The following TAF1B variants were observed in gnomAD, a reference collection of about 807,000 sequenced individuals.
The protein encoded by TAF1B is TATA-box binding protein associated factor, RNA polymerase I subunit B, also known as TATA box-binding protein-associated factor RNA polymerase I subunit B.
Under a neutral mutation model 83.9 loss-of-function variants are expected in TAF1B, and 61 were observed. The ratio of observed to expected loss-of-function variants is 0.73; its 90% CI spans 0.59 to 0.90. TAF1B has a LOEUF of 0.90. TAF1B is among the 40% of genes least tolerant of loss of function. The pLI, the probability that TAF1B is intolerant of heterozygous loss-of-function variation, is 0.00. For missense variants in TAF1B, 625 were observed against 677.0 expected (o/e 0.92, Z 0.85); for synonymous variants, 221 against 224.6 (o/e 0.98, Z 0.14).
intron 12 of TAF1B, among the ~76,000 whole-genome samples, chr2:9,918,631 A>C (rs1341354530): frequency 6.6e-6 from 1 of 152,240 alleles, no homozygotes; most frequent in Non-Finnish European, 1.5e-5. Context: ...CACTGTGTGT[A>C]AGTTATCAGA....
intron 8 of TAF1B, among the ~76,000 whole-genome samples, chr2:9,889,831 T>TA (rs1164496137): frequency 1.3e-5 from 2 of 152,192 alleles, no homozygotes; most frequent in Non-Finnish European, 2.9e-5. Context: ...GGCGTATCCC[T>TA]ACTAAAGACT....
chr2:9,883,193 C>A (rs1472400163), intron 8 of TAF1B, among the ~76,000 whole-genome samples: 4 of 152,152 alleles, frequency 2.6e-5, no homozygotes, highest in Admixed American at 6.5e-5. Flanking sequence ...TACCGTGTTT[C>A]TAAAGGTACT....
chr2:9,861,388 C>T (rs1407024493), intron 5 of TAF1B, among the ~76,000 whole-genome samples: 3 of 152,208 alleles, frequency 2.0e-5, no homozygotes, highest in South Asian at 4.1e-4. Context: ...AAGGCAGCAG[C>T]GAGGCTGGGG....
intron 8 of TAF1B, among the ~76,000 whole-genome samples, chr2:9,884,036 G>C (rs375878839): frequency 3.3e-5 from 5 of 152,240 alleles, no homozygotes; most frequent in African/African-American, 1.2e-4. Context: ...TGCCTGCCAA[G>C]GGCAAGTCAG....
chr2:9,929,534 C>T (rs1051296778), intron 14 of TAF1B, among the ~76,000 whole-genome samples: 9 of 152,226 alleles, frequency 5.9e-5, no homozygotes, highest in East Asian at 1.9e-4. Flanking sequence ...GGGATGAAGC[C>T]GACTTGATCG....
intron 5 of TAF1B, among the ~76,000 whole-genome samples, chr2:9,863,116 T>C (rs1338434419): frequency 6.6e-6 from 1 of 152,160 alleles, no homozygotes; most frequent in Non-Finnish European, 1.5e-5. Flanking sequence ...TAAATGTAAA[T>C]GGGCTAAATG....
chr2:9,849,499 C>A, intron 3 of TAF1B, 39 bp downstream of exon 3: 2 of 1,388,806 alleles, frequency 1.4e-6, no homozygotes, highest in African/African-American at 1.5e-5. Flanking sequence ...ATTCTTTATT[C>A]ACATCTTTCA....
At chr2:9,917,597 A>G (rs1162727989) in intron 12 of TAF1B, among the ~76,000 whole-genome samples, 1 of 152,244 alleles carries the variant, frequency 6.6e-6, no homozygotes, top group African/African-American at 2.4e-5. Flanking sequence ...GTAGAGGATA[A>G]GTTTAGAGAT....
At chr2:9,843,663 C>G in intron 1 of TAF1B, 104 bp downstream of exon 1, 1 of 1,287,270 alleles carries the variant, frequency 7.8e-7, no homozygotes, top group Non-Finnish European at 1.0e-6. Context: ...GGCGACGCCA[C>G]CGGCTGGAGG....
At chr2:9,879,019 G>C (rs1309021089) in intron 7 of TAF1B, among the ~76,000 whole-genome samples, 1 of 152,226 alleles carries the variant, frequency 6.6e-6, no homozygotes, top group Non-Finnish European at 1.5e-5. Context: ...AATAGAGCCA[G>C]TGTGAATATC....
chr2:9,850,377 G>A (rs1663348804), intron 3 of TAF1B, among the ~76,000 whole-genome samples: 1 of 152,040 alleles, frequency 6.6e-6, no homozygotes. Flanking sequence ...TGGAAAATAG[G>A]AACACAGACT....
intron 6 of TAF1B, among the ~76,000 whole-genome samples, chr2:9,873,822 C>T (rs1475299837): frequency 1.3e-5 from 2 of 151,774 alleles, no homozygotes; most frequent in African/African-American, 4.8e-5. Context: ...GCAATGCTAC[C>T]GCTCCAGTCC....
rs147626359 is a variant in TAF1B at position 9,908,958 on chromosome 2, T to C, written c.956-1778T>C. 7.9e-5 allele frequency among the ~76,000 whole-genome samples: 12 copies of C among 152,324 alleles called. No homozygotes were observed. The East Asian group carries it at 2.1e-3, about 27-fold the overall frequency. On this transcript the variant is annotated intron_variant, in intron 9 of 14. Transcript: ENST00000263663. ...CAGAACACACTAGTTGCTCAATAAATGTTTGTTGGAAGAATAAAAGCCAAG... is the reference window on the plus strand; with the variant it reads ...CAGAACACACTAGTTGCTCAATAAACGTTTGTTGGAAGAATAAAAGCCAAG...
chr2:9,850,023 ATATATGTGTGTG>A (rs1255440134), intron 3 of TAF1B, among the ~76,000 whole-genome samples: 2 of 87,172 alleles, frequency 2.3e-5, no homozygotes, highest in Non-Finnish European at 4.9e-5. Flanking sequence ...AAATATATAT[ATATATGTGTGTG>A]TGTGTGTGTG....
At chr2:9,875,664 G>A (rs992028500) in intron 6 of TAF1B, among the ~76,000 whole-genome samples, 10 of 152,000 alleles carry the variant, frequency 6.6e-5, no homozygotes, top group African/African-American at 1.7e-4. Context: ...GAAAAAACCC[G>A]CCCCCATGAT....
intron 12 of TAF1B, 25 bp from the exon 13 acceptor site, chr2:9,919,016 C>G: frequency 6.3e-7 from 1 of 1,598,000 alleles, no homozygotes; most frequent in South Asian, 1.1e-5. Context: ...CCGTCCTGCT[C>G]CAGCTGTTTC....
At chr2:9,924,087 A>G (rs1665965131) in intron 14 of TAF1B, among the ~76,000 whole-genome samples, 1 of 152,232 alleles carries the variant, frequency 6.6e-6, no homozygotes, top group Non-Finnish European at 1.5e-5. Context: ...TTTTCTCTGC[A>G]TGAAGTATAA....
At chr2:9,924,797 G>T (rs1294370198) in intron 14 of TAF1B, among the ~76,000 whole-genome samples, 2 of 152,228 alleles carry the variant, frequency 1.3e-5, no homozygotes, top group Non-Finnish European at 2.9e-5. Context: ...CAAAACATTT[G>T]CTGTAAAATT....
intron 9 of TAF1B, among the ~76,000 whole-genome samples, chr2:9,905,763 T>C (rs1665321386): frequency 6.6e-6 from 1 of 152,132 alleles, no homozygotes; most frequent in Non-Finnish European, 1.5e-5. Context: ...ACATGTGTTA[T>C]GTGAAAAAAG....
Sources: allele counts gnomAD v4.1 joint callset (sites outside exome capture counted in the v4.1 genomes callset), GRCh38; gene constraint gnomAD v4.1.1; transcripts MANE v1.5; gene names NCBI Gene and HGNC (gene_info 2026-07-23, HGNC 2026-07-21).